Variants in RBMS3 observed in about 807,000 individuals in gnomAD.
The protein encoded by RBMS3 is RNA-binding motif, single-stranded-interacting protein 3.
A neutral mutation model predicts 66.8 loss-of-function variants in RBMS3; 27 were observed. That is an observed-to-expected ratio of 0.40 (90% confidence interval 0.30 to 0.56). RBMS3 has a LOEUF of 0.56. Ranked by LOEUF, RBMS3 falls within the 20% of genes least tolerant of loss-of-function variation. RBMS3 has a pLI of 0.40. For synonymous variants in RBMS3, 188 were observed against 183.0 expected, an observed-to-expected ratio of 1.03 and a Z score of -0.22; for missense variants, 513 against 549.5, an observed-to-expected ratio of 0.93 and a Z score of 0.66.
chr3:29,956,731 G>A (rs140619132), intron 12 of RBMS3, among the ~76,000 whole-genome samples: 143 of 152,170 alleles, frequency 9.4e-4, no homozygotes, highest in African/African-American at 3.3e-3. Flanking sequence ...CTAACTGGTC[G>A]GACTGATTCA....
intron 2 of RBMS3, among the ~76,000 whole-genome samples, chr3:29,450,595 C>T (rs1254554326): frequency 6.6e-6 from 1 of 152,074 alleles, no homozygotes; most frequent in Non-Finnish European, 1.5e-5. Context: ...CACAGTCCTG[C>T]TTGGCATTGA....
chr3:29,993,804 T>G (rs1181557093), intron 14 of RBMS3, among the ~76,000 whole-genome samples: 3 of 152,250 alleles, frequency 2.0e-5, no homozygotes. Flanking sequence ...AGAATTACAC[T>G]GTTGGCTCTC....
intron 4 of RBMS3, among the ~76,000 whole-genome samples, chr3:29,694,542 T>G (rs1367971854): frequency 2.6e-5 from 4 of 152,230 alleles, no homozygotes; most frequent in Non-Finnish European, 4.4e-5. Flanking sequence ...TGGGATTCAC[T>G]GTTAGCAAAG....
intron 12 of RBMS3, among the ~76,000 whole-genome samples, chr3:29,945,041 TG>T (rs1695208919): frequency 6.6e-6 from 1 of 151,726 alleles, no homozygotes; most frequent in Admixed American, 6.6e-5. Context: ...AAGAGAAAAA[TG>T]GGCACAATTT....
rs539546836 is a variant in RBMS3, at chr3:29,836,728, T to C, written c.638-32130T>C. Among the ~76,000 whole-genome samples the C allele has an allele frequency of 4.6e-5, 7 of 151,882 alleles. No individual in the cohort carries two copies. In the East Asian group the frequency reaches 1.4e-3, roughly 29 times the overall value. ...TCCTTACAACACACACAATAAAATG[T>C]AACTATGTGAGAGATATGCATGTTA... On this transcript the variant is annotated intron_variant, in intron 6 of 14. Transcript: ENST00000383767.
At chr3:29,756,680 A>G (rs2055430375) in intron 5 of RBMS3, among the ~76,000 whole-genome samples, 1 of 152,090 alleles carries the variant, frequency 6.6e-6, no homozygotes, top group Admixed American at 6.6e-5. Flanking sequence ...CAGCAAAACC[A>G]TATCACCAAG....
rs1699811258 is a variant in RBMS3, at chr3:30,006,690, A to T, written c.*2828A>T. 6.6e-6 allele frequency: 1 copy of T among 151,980 alleles called. No homozygotes were observed. Among genetic ancestry groups the T allele is most frequent in the African/African-American group, 2.4e-5 (1 of 41,410 alleles). 9.4% of individuals were successfully genotyped at this position (151,980 alleles called of 1,614,324 possible). A position where few individuals can be genotyped will look rare whatever the true frequency, so the allele number is the denominator to read the frequency against. ...ATAAGGATTATCCTGGGCATAATTC[A>T]TTTGAATATGAAACCAACATACTTT... On this transcript the variant is annotated 3_prime_UTR_variant, in exon 15 of 15. Coordinates refer to ENST00000383767, the MANE Select transcript of RBMS3 (RefSeq NM_001003793.3).
chr3:29,338,810 T>C (rs1306510536), intron 1 of RBMS3, among the ~76,000 whole-genome samples: 1 of 152,026 alleles, frequency 6.6e-6, no homozygotes, highest in Non-Finnish European at 1.5e-5. Flanking sequence ...ATGAGTAATG[T>C]CTCTTAAGAA....
At chr3:29,288,444 A>G (rs1264178079) in intron 1 of RBMS3, among the ~76,000 whole-genome samples, 4 of 152,042 alleles carry the variant, frequency 2.6e-5, no homozygotes, top group African/African-American at 7.2e-5. Flanking sequence ...GTGGAACAAA[A>G]TGACAGCCAT....
intron 1 of RBMS3, among the ~76,000 whole-genome samples, chr3:29,417,026 C>G (rs2040505530): frequency 6.6e-6 from 1 of 152,024 alleles, no homozygotes; most frequent in Non-Finnish European, 1.5e-5. Flanking sequence ...TTATCTGTCT[C>G]TAGATAATTC....
At chr3:29,580,549 C>A (rs1359126106) in intron 3 of RBMS3, among the ~76,000 whole-genome samples, 1 of 151,876 alleles carries the variant, frequency 6.6e-6, no homozygotes, top group Admixed American at 6.6e-5. Flanking sequence ...AACTCCACTG[C>A]ATTTAAATTT....
At chr3:29,925,482 T>C (rs751980050) in intron 10 of RBMS3, among the ~76,000 whole-genome samples, 10 of 152,170 alleles carry the variant, frequency 6.6e-5, no homozygotes, top group Non-Finnish European at 1.3e-4. Flanking sequence ...AGAAATCGTA[T>C]GGAGATGATT....
At chr3:29,529,547 G>C (rs947063889) in intron 3 of RBMS3, among the ~76,000 whole-genome samples, 1 of 152,108 alleles carries the variant, frequency 6.6e-6, no homozygotes, top group African/African-American at 2.4e-5. Flanking sequence ...CTGTTTTAAA[G>C]AGAGCAGAAA....
intron 2 of RBMS3, among the ~76,000 whole-genome samples, chr3:29,473,320 G>C (rs575114742): frequency 2.6e-4 from 39 of 152,318 alleles, no homozygotes; most frequent in African/African-American, 7.9e-4. Flanking sequence ...TAGACATAAA[G>C]GTTCTCCAAG....
At chr3:29,573,883 C>T (rs2047022191) in intron 3 of RBMS3, among the ~76,000 whole-genome samples, 1 of 152,042 alleles carries the variant, frequency 6.6e-6, no homozygotes, top group Admixed American at 6.6e-5. Flanking sequence ...CAAAATTCCT[C>T]TTGTTGATTT....
intron 6 of RBMS3, among the ~76,000 whole-genome samples, chr3:29,857,780 C>T (rs866655147): frequency 1.3e-5 from 2 of 151,960 alleles, no homozygotes; most frequent in Non-Finnish European, 2.9e-5. Flanking sequence ...CGAGATCGGG[C>T]GCGTTCAGGG....
chr3:29,329,331 G>T (rs1426620317), intron 1 of RBMS3, among the ~76,000 whole-genome samples: 4 of 152,070 alleles, frequency 2.6e-5, no homozygotes, highest in Admixed American at 2.6e-4. Context: ...AAGCTCATGT[G>T]TAATTAAAAT....
chr3:29,492,688 A>G (rs2043595168), intron 3 of RBMS3, among the ~76,000 whole-genome samples: 1 of 152,124 alleles, frequency 6.6e-6, no homozygotes, highest in South Asian at 2.1e-4. Context: ...AAAGTGGACT[A>G]CCACTTACAG....
intron 1 of RBMS3, among the ~76,000 whole-genome samples, chr3:29,318,988 T>C (rs1344500950): frequency 6.6e-6 from 1 of 152,062 alleles, no homozygotes; most frequent in African/African-American, 2.4e-5. Flanking sequence ...GACAGCATTG[T>C]AGCATATATC....
Sources: allele counts gnomAD v4.1 joint callset (sites outside exome capture counted in the v4.1 genomes callset), GRCh38; gene constraint gnomAD v4.1.1; transcripts MANE v1.5; gene names NCBI Gene and HGNC (gene_info 2026-07-23, HGNC 2026-07-21).